ZFP37: variants seen among roughly 807,000 people sequenced by gnomAD.
The protein encoded by ZFP37 is ZFP37 zinc finger protein, also known as zinc finger protein 37 homolog.
Under a neutral mutation model 52.1 loss-of-function variants are expected in ZFP37, and 38 were observed. The ratio of observed to expected loss-of-function variants is 0.73; its 90% CI spans 0.56 to 0.96. ZFP37 has a LOEUF of 0.96. Among genes scored for constraint, ZFP37 ranks in the 40% least tolerant of loss-of-function variants. ZFP37 has a pLI of 0.00. For missense variants in ZFP37, 695 were observed against 741.4 expected (o/e 0.94, Z 0.73); for synonymous variants, 253 against 259.5 (o/e 0.98, Z 0.24).
chr9:113,042,573 C>T lies in ZFP37; in HGVS notation c.*152G>A. 1 of 572,256 alleles carries T rather than the reference C, an allele frequency of 1.7e-6. No homozygotes were observed. The highest frequency in any genetic ancestry group is 3.3e-5 in the South Asian group (1 of 30,448). The allele number at this position is 572,256 out of a possible 1,614,324, so 35.4% of individuals were successfully genotyped here. ...TCAAGTTTAAACCCTTGTTTCCATCCACTGATTCTATATGAAGATCCATTT... is the reference window on the plus strand; with the variant it reads ...TCAAGTTTAAACCCTTGTTTCCATCTACTGATTCTATATGAAGATCCATTT... On this transcript the variant is annotated 3_prime_UTR_variant, in exon 4 of 4. Transcript: ENST00000374227.
Position 113,040,380 on chromosome 9 carries a change from A to G in ZFP37, c.*2345T>C, listed in dbSNP as rs1181227946. 2.0e-5 allele frequency: 3 copies of G among 152,128 alleles called. No homozygotes were observed. Among genetic ancestry groups the G allele is most frequent in the Non-Finnish European group, 4.4e-5 (3 of 68,040 alleles). The allele number at this position is 152,128 out of a possible 1,614,324, so 9.4% of individuals were successfully genotyped here. ...ATTCTGTGCATAGTGCTATATTTCC[A>G]CTTGTTAAGAAATTACTGGTAGAAA... is the stretch of plus-strand genomic sequence containing the variant. On this transcript the variant is annotated 3_prime_UTR_variant, in exon 4 of 4. Transcript: ENST00000374227.
At chr9:113,049,284 A>G in intron 3 of ZFP37, 78 bp downstream of exon 3, 6 of 1,479,290 alleles carry the variant, frequency 4.1e-6, no homozygotes, top group Non-Finnish European at 5.5e-6. Context: ...TTTTCTAGTT[A>G]AGAAAGAAAG....
Position 113,042,935 on chromosome 9 carries a change from A to C in ZFP37, c.1683T>G (p.Ile561Met). The part of the protein sequence containing the change: ...GKAFSQKSHL[I>M]VHQRTHTGEK... ...CCCCAGTATGAGTTCTCTGATGTAC[A>C]ATGAGGTGAGACTTTTGGCTAAAGG... Residue 561 changes from isoleucine (I) to methionine (M), a missense_variant, in exon 4 of 4, where the codon ATT (isoleucine) becomes ATG (methionine). Physicochemically the swap from Ile to Met is conservative, Grantham distance 10. Coordinates refer to ENST00000374227, the MANE Select transcript of ZFP37 (RefSeq NM_003408.3). 6.2e-7 allele frequency: 1 copy of C among 1,613,930 alleles called. No individual in the cohort carries two copies. Among genetic ancestry groups the C allele is most frequent in the Non-Finnish European group, 8.5e-7 (1 of 1,179,926 alleles).
Position 113,043,864 on chromosome 9 carries a change from A to C in ZFP37, c.754T>G (p.Leu252Val). 6.2e-7 allele frequency: 1 copy of C among 1,614,012 alleles called. No homozygotes were observed. Among genetic ancestry groups the C allele is most frequent in the African/African-American group, 1.3e-5 (1 of 75,026 alleles). The change falls in exon 4 of 4, where the codon TTA (leucine) becomes GTA (valine). Residue 252 changes from leucine (L) to valine (V), a missense_variant. By Grantham distance (32) the Leu-to-Val change is conservative. Coordinates refer to ENST00000374227, the MANE Select transcript of ZFP37 (RefSeq NM_003408.3). ...CNKTGKKHDKLCCHSSSHIKQ... is the reference protein window; with the variant it reads ...CNKTGKKHDKVCCHSSSHIKQ... ...ATATGGGATGAACTATGACAGCATA[A>C]TTTGTCATGTTTTTTGCCAGTTTTG... is the stretch of plus-strand genomic sequence containing the variant.
In ZFP37 at chr9:113,043,142, A is replaced by T; in HGVS notation, c.1476T>A (p.Asn492Lys). ...THTKEKPYKCNECGKAFGHSS... is the reference protein window; with the variant it reads ...THTKEKPYKCKECGKAFGHSS... ...TATGTCCAAAGGCTTTTCCACACTC[A>T]TTACATTTATAAGGTTTCTCCTTAG... The change falls in exon 4 of 4, where the codon AAT becomes AAA. Residue 492 changes from asparagine (N) to lysine (K), a missense_variant. Asn to Lys is a moderately conservative substitution (Grantham distance 94, BLOSUM62 0). This residue lies in a region of ZFP37 where 326 missense variants were observed against 400.5 expected (regional missense o/e 0.81). Coordinates refer to ENST00000374227, the MANE Select transcript of ZFP37 (RefSeq NM_003408.3). 1 of 1,613,614 alleles carries T rather than the reference A, an allele frequency of 6.2e-7. No homozygotes were observed. Among genetic ancestry groups the T allele is most frequent in the Non-Finnish European group, 8.5e-7 (1 of 1,179,904 alleles).
chr9:113,054,277 C>T (rs1829105035), intron 1 of ZFP37, among the ~76,000 whole-genome samples: 3 of 152,178 alleles, frequency 2.0e-5, no homozygotes, highest in Admixed American at 2.0e-4. Flanking sequence ...CCCACTTGCA[C>T]AGTTTTCCTC....
rs372056333 is a variant in ZFP37, at chr9:113,040,457, TGAG to T, written c.*2265_*2267del. On this transcript the variant is annotated 3_prime_UTR_variant, in exon 4 of 4. Transcript: ENST00000374227. The stretch of plus-strand genomic sequence containing the variant: ...ATGTGATAAATAAGTTACTTGGAAA[TGAG>T]GGGATATATTCATGAGTTGAGCTTT... 4.6e-5 allele frequency: 7 copies of T among 152,218 alleles called. No individual in the cohort carries two copies. Among genetic ancestry groups the T allele is most frequent in the Admixed American group, 1.3e-4 (2 of 15,276 alleles). 9.4% of individuals were successfully genotyped at this position (152,218 alleles called of 1,614,324 possible). A position where few individuals can be genotyped will look rare whatever the true frequency, so the allele number is the denominator to read the frequency against.
chr9:113,056,721 C>T lies in ZFP37; in HGVS notation c.-33G>A, dbSNP rs1278223634. 8.7e-6 allele frequency: 14 copies of T among 1,601,072 alleles called. No individual in the cohort carries two copies. The highest frequency in any genetic ancestry group is 1.2e-5 in the Non-Finnish European group (14 of 1,174,188). On this transcript the variant is annotated 5_prime_UTR_variant, in exon 1 of 4. Coordinates refer to ENST00000374227, the MANE Select transcript of ZFP37 (RefSeq NM_003408.3). ...ACCCGGAGGGCGGCCTTAGCGGGTC[C>T]GGCAGCCGCGATGGCGGCGCCCTTC...
intron 2 of ZFP37, 145 bp downstream of exon 2, chr9:113,049,646 G>A: frequency 7.0e-7 from 1 of 1,426,292 alleles, no homozygotes; most frequent in Non-Finnish European, 9.4e-7. Context: ...TTCCATTTTG[G>A]AGGCAGGGGC....
In ZFP37 at chr9:113,042,764, T is replaced by A; in HGVS notation, c.1854A>T (p.Lys618Asn). The A allele has an allele frequency of 6.3e-7, 1 of 1,591,038 alleles. No homozygotes were observed. Among genetic ancestry groups the A allele is most frequent in the Non-Finnish European group, 8.6e-7 (1 of 1,169,522 alleles). ...KTFKQNASLT[K>N]HVKTHSEDKS... ...TATCTTCTGAATGAGTTTTCACATG[T>A]TTGGTTAGGGATGCATTTTGTTTGA... is the stretch of plus-strand genomic sequence containing the variant. Residue 618 changes from lysine (K) to asparagine (N), a missense_variant, in exon 4 of 4, where the codon AAA becomes AAT. Around this residue, in one of 2 missense-constraint regions of ZFP37, gnomAD observed 326 missense variants for 400.5 expected, o/e 0.81. Coordinates refer to ENST00000374227, the MANE Select transcript of ZFP37 (RefSeq NM_003408.3).
intron 3 of ZFP37, among the ~76,000 whole-genome samples, chr9:113,047,033 C>T (rs539084521): frequency 6.6e-6 from 1 of 150,738 alleles, no homozygotes; most frequent in East Asian, 2.0e-4. Flanking sequence ...GGTGTGAACT[C>T]GGGAGGAGGA....
intron 2 of ZFP37, 79 bp from the exon 3 acceptor site, chr9:113,049,575 C>T: frequency 1.4e-5 from 21 of 1,532,538 alleles, no homozygotes; most frequent in Non-Finnish European, 1.9e-5. Context: ...TACTTCAGGG[C>T]CTAAAGAATA....
rs758459283 is a variant in ZFP37, at chr9:113,043,193, G to A, written c.1425C>T (p.His475=). ...ECGKAFSKKS[H]LIIHQRTHTK... The stretch of plus-strand genomic sequence containing the variant: ...TATGAGTTCTTTGATGTATAATGAG[G>A]TGTGACTTCTTGCTGAAAGCTTTCC... The change falls in exon 4 of 4, where the codon CAC becomes CAT. Residue 475 remains histidine (H), a synonymous_variant. Coordinates refer to ENST00000374227, the MANE Select transcript of ZFP37 (RefSeq NM_003408.3). The A allele has an allele frequency of 6.8e-6, 11 of 1,613,680 alleles. No individual in the cohort carries two copies. The African/African-American group carries it at 1.5e-4, about 22-fold the overall frequency.
rs1828820492 is a variant in ZFP37 at position 113,039,976 on chromosome 9, G to T, written c.*2749C>A. 6.6e-6 allele frequency: 1 copy of T among 152,166 alleles called. No individual in the cohort carries two copies. The highest frequency in any genetic ancestry group is 2.1e-4 in the South Asian group (1 of 4,826). The allele number at this position is 152,166 out of a possible 1,614,324, so 9.4% of individuals were successfully genotyped here. On this transcript the variant is annotated 3_prime_UTR_variant, in exon 4 of 4. Coordinates refer to ENST00000374227, the MANE Select transcript of ZFP37 (RefSeq NM_003408.3). ...ACCCACAGGGTTTCTGATCCAATAT[G>T]TCTGTGACGAGGCCCAAGAATTTGC...
Position 113,040,037 on chromosome 9 carries a change from A to G in ZFP37, c.*2688T>C, listed in dbSNP as rs535386859. 16 of 152,282 alleles carry G rather than the reference A, an allele frequency of 1.1e-4. No homozygotes were observed. Among genetic ancestry groups the G allele is most frequent in the Admixed American group, 6.5e-4 (10 of 15,290 alleles). 9.4% of individuals were successfully genotyped at this position (152,282 alleles called of 1,614,324 possible). A position where few individuals can be genotyped will look rare whatever the true frequency, so the allele number is the denominator to read the frequency against. On this transcript the variant is annotated 3_prime_UTR_variant, in exon 4 of 4. Coordinates refer to ENST00000374227, the MANE Select transcript of ZFP37 (RefSeq NM_003408.3). ...CTGTGTTTTAACAAATCATTCAGGC[A>G]ATTTTTATGCACACTAGAGTTTACG...
rs911955552 is a variant in ZFP37, at chr9:113,041,254, CAA to C, written c.*1469_*1470del. ...CCAGAAGTATTTTTAATCTATGGCTCAAGAGTAAAAAAAATCCAGGTGTGCAA... is the reference window on the plus strand; with the variant it reads ...CCAGAAGTATTTTTAATCTATGGCTCGAGTAAAAAAAATCCAGGTGTGCAA... On this transcript the variant is annotated 3_prime_UTR_variant, in exon 4 of 4. Transcript: ENST00000374227. The C allele has an allele frequency of 2.0e-5, 3 of 151,934 alleles. No homozygotes were observed. Among genetic ancestry groups the C allele is most frequent in the Non-Finnish European group, 4.4e-5 (3 of 68,002 alleles). 9.4% of individuals were successfully genotyped at this position (151,934 alleles called of 1,614,324 possible). A position where few individuals can be genotyped will look rare whatever the true frequency, so the allele number is the denominator to read the frequency against.
chr9:113,046,217 T>G (rs959773367), intron 3 of ZFP37, among the ~76,000 whole-genome samples: 2 of 34,728 alleles, frequency 5.8e-5, no homozygotes, highest in East Asian at 3.3e-3. Flanking sequence ...TATATCTATA[T>G]ATAGACATAT....
Position 113,052,823 on chromosome 9 carries a change from C to T in ZFP37, c.133-2951G>A, listed in dbSNP as rs1055694749. On this transcript the variant is annotated intron_variant, in intron 1 of 3. Transcript: ENST00000374227. The surrounding 1 kb of genome is among the most constrained non-coding windows in gnomAD (Gnocchi z 4.1). ...AATCAGTTCCAGGAATGGTGGGATCCTTCCTGAAATCTAATTTCCCAGATG... is the reference window on the plus strand; with the variant it reads ...AATCAGTTCCAGGAATGGTGGGATCTTTCCTGAAATCTAATTTCCCAGATG... Among the ~76,000 whole-genome samples the T allele has an allele frequency of 1.3e-5, 2 of 152,166 alleles. No individual in the cohort carries two copies. Among genetic ancestry groups the T allele is most frequent in the Non-Finnish European group, 2.9e-5 (2 of 68,032 alleles).
intron 3 of ZFP37, among the ~76,000 whole-genome samples, chr9:113,047,338 T>C (rs1365048733): frequency 6.6e-6 from 1 of 152,194 alleles, no homozygotes; most frequent in East Asian, 1.9e-4. Context: ...TCATACAGTC[T>C]TGGACAATTC....
Sources: allele counts gnomAD v4.1 joint callset (sites outside exome capture counted in the v4.1 genomes callset), GRCh38; gene constraint gnomAD v4.1.1; regional missense constraint gnomAD v4.1.1; non-coding constraint Gnocchi (gnomAD v3.1); transcripts MANE v1.5; gene names NCBI Gene and HGNC (gene_info 2026-07-23, HGNC 2026-07-21).